Variants in NPIPB6 observed in about 807,000 individuals in gnomAD.
The protein encoded by NPIPB6 is nuclear pore complex-interacting protein family member B6.
NPIPB6 carries 2 observed loss-of-function variants against 20.0 expected under a neutral mutation model. The observed-to-expected ratio is 0.10, with a 90% CI of 0.04 to 0.31. NPIPB6 has a LOEUF of 0.31. Ranked by LOEUF, NPIPB6 falls within the 10% of genes least tolerant of loss-of-function variation. The pLI is 1.00. For synonymous variants in NPIPB6, 35 were observed against 116.3 expected (o/e 0.30, Z 4.50); for missense variants, 96 against 293.7 (o/e 0.33, Z 4.92).
chr16:28,348,116 A>T (rs1420328723), intron 4 of NPIPB6, among the ~76,000 whole-genome samples: 4 of 112,886 alleles, frequency 3.5e-5, no homozygotes, highest in Non-Finnish European at 7.9e-5. Context: ...TCTCAAAAAA[A>T]AAAAAAAAAA....
exon 7 of NPIPB6, chr16:28,342,864 T>G (rs2141605578): frequency 1.3e-6 from 2 of 1,585,044 alleles, no homozygotes; most frequent in East Asian, 4.7e-5. Flanking sequence ...GTCTTGAGAT[T>G]ATCATCCACT....
At chr16:28,348,025 A>G (rs28406011) in intron 4 of NPIPB6, among the ~76,000 whole-genome samples, 15 of 118,352 alleles carry the variant, frequency 1.3e-4, no homozygotes, top group East Asian at 4.4e-4. Context: ...GATAAGAATC[A>G]CTTGAACCTG....
intron 1 of NPIPB6, among the ~76,000 whole-genome samples, chr16:28,358,899 T>C (rs1237486912): frequency 6.6e-6 from 1 of 150,628 alleles, no homozygotes; most frequent in Non-Finnish European, 1.5e-5. Context: ...CTGACCAACA[T>C]GGTGAAACCC....
chr16:28,360,694 C>T (rs543364795), intron 1 of NPIPB6, among the ~76,000 whole-genome samples: 1 of 137,770 alleles, frequency 7.3e-6, no homozygotes, highest in East Asian at 2.0e-4. Flanking sequence ...ATGGGATTTG[C>T]TTTGACCCAA....
intron 2 of NPIPB6, among the ~76,000 whole-genome samples, chr16:28,351,734 AG>A (rs2045234799): frequency 9.5e-6 from 1 of 105,734 alleles, no homozygotes; most frequent in Non-Finnish European, 2.2e-5. Context: ...GAGAATGTTA[AG>A]TGTGCCTAGA....
chr16:28,359,186 G>A (rs1303450289), intron 1 of NPIPB6, among the ~76,000 whole-genome samples: 2 of 130,744 alleles, frequency 1.5e-5, no homozygotes, highest in Non-Finnish European at 3.1e-5. Flanking sequence ...GACCAAAAGT[G>A]AATGGCAGAG....
exon 7 of NPIPB6, chr16:28,342,897 G>C (rs762519449): frequency 3.2e-6 from 5 of 1,574,554 alleles, no homozygotes; most frequent in Non-Finnish European, 4.3e-6. Context: ...GGAGAGGGTG[G>C]AAGCGGGACA....
chr16:28,346,336 G>C (rs1371259752), intron 4 of NPIPB6: 1 of 799,610 alleles, frequency 1.3e-6, no homozygotes, highest in Non-Finnish European at 1.5e-6. Context: ...TTCTCAGTCA[G>C]AGGCTGATGC....
intron 1 of NPIPB6, among the ~76,000 whole-genome samples, chr16:28,359,492 CGTCT>C (rs1186856389): frequency 1.4e-5 from 2 of 140,486 alleles, no homozygotes; most frequent in Admixed American, 1.5e-4. Flanking sequence ...ATGCAAAGAC[CGTCT>C]GAGGATAGGA....
intron 2 of NPIPB6, among the ~76,000 whole-genome samples, chr16:28,349,786 G>A (rs567961609): frequency 2.8e-5 from 3 of 107,632 alleles, no homozygotes; most frequent in African/African-American, 6.3e-5. Context: ...TAGTCAGGAG[G>A]CTGAGGCAGG....
chr16:28,342,692 T>C (rs1334672416), exon 7 of NPIPB6: 1 of 1,547,928 alleles, frequency 6.5e-7, no homozygotes. Context: ...TTTGGGTAAT[T>C]GTTGTGCCTC....
intron 2 of NPIPB6, among the ~76,000 whole-genome samples, chr16:28,349,540 G>A (rs1369482845): frequency 9.6e-6 from 1 of 104,320 alleles, no homozygotes; most frequent in African/African-American, 3.4e-5. Flanking sequence ...GACAGAATGA[G>A]ACTCTGTCAC....
intron 1 of NPIPB6, among the ~76,000 whole-genome samples, chr16:28,361,729 T>C (rs990475747): frequency 1.0e-5 from 1 of 100,186 alleles, no homozygotes; most frequent in Admixed American, 1.1e-4. Context: ...TCTCTCTCTA[T>C]ATGTGTGTGT....
exon 1 of NPIPB6, chr16:28,362,770 C>T: frequency 6.3e-7 from 1 of 1,593,422 alleles, no homozygotes; most frequent in Non-Finnish European, 8.5e-7. Context: ...GGTGAGCTGG[C>T]TCTGGTCATG....
chr16:28,356,700 A>G, intron 1 of NPIPB6: 1 of 167,962 alleles, frequency 6.0e-6, no homozygotes, highest in South Asian at 2.9e-5. Flanking sequence ...GGCGGATCTG[A>G]GTTGGGGAGG....
intron 1 of NPIPB6, among the ~76,000 whole-genome samples, chr16:28,361,744 G>C (rs1421208958): frequency 5.6e-5 from 4 of 71,156 alleles, no homozygotes; most frequent in Non-Finnish European, 1.3e-4. Flanking sequence ...GTGTGTGTGT[G>C]TGTGTGTGTG....
rs1289585008 is a variant in NPIPB6 at position 28,350,191 on chromosome 16, G to A, written c.304-950C>T. Among the ~76,000 whole-genome samples the A allele has an allele frequency of 3.1e-5, 3 of 95,418 alleles. 1 individual carries two copies. Among genetic ancestry groups the A allele is most frequent in the Non-Finnish European group, 6.8e-5 (3 of 44,014 alleles). The allele number at this position is 95,418 out of a possible 152,430, so 62.6% of individuals were successfully genotyped here. On this transcript the variant is annotated intron_variant, in intron 2 of 6. Transcript: ENST00000532254. ...CAGCCTGGTGACAGAGTGAGACTCC[G>A]TCTCAAAAAAAAAAAAAAAAAAATG...
Position 28,349,616 on chromosome 16 carries a change from C to T in NPIPB6, c.304-375G>A, listed in dbSNP as rs1410303211. On this transcript the variant is annotated intron_variant, in intron 2 of 6. Coordinates refer to ENST00000532254, the Ensembl canonical transcript of NPIPB6. ...ACACAAGAATGACATGAGGCTGGCACGGTGGCTCACTCCTGTAATCCCAGC... is the reference window on the plus strand; with the variant it reads ...ACACAAGAATGACATGAGGCTGGCATGGTGGCTCACTCCTGTAATCCCAGC... Among the ~76,000 whole-genome samples, 9 of 96,050 alleles carry T rather than the reference C, an allele frequency of 9.4e-5. No individual in the cohort carries two copies. In the South Asian group the frequency reaches 9.9e-4, roughly 11 times the overall value. 63.0% of individuals were successfully genotyped at this position (96,050 alleles called of 152,430 possible).
intron 1 of NPIPB6, among the ~76,000 whole-genome samples, chr16:28,358,983 G>A (rs1347244041): frequency 1.4e-5 from 2 of 138,148 alleles, no homozygotes; most frequent in East Asian, 5.0e-4. Flanking sequence ...TCAGGAGGCT[G>A]AGGCAGGACA....
Sources: gnomAD v4.1 joint callset for allele counts (sites outside exome capture counted in the v4.1 genomes callset) on GRCh38, gnomAD v4.1.1 for gene constraint, MANE v1.5 for transcripts, NCBI Gene and HGNC (gene_info 2026-07-23, HGNC 2026-07-21) for gene names.